Variants in GPR149 observed in about 807,000 individuals in gnomAD.
GPR149 encodes G protein-coupled receptor 149.
Under a neutral mutation model 50.2 loss-of-function variants are expected in GPR149, and 50 were observed. That is an observed-to-expected ratio of 1.00 (90% CI 0.79 to 1.26). The LOEUF is 1.26. Among genes scored for constraint, GPR149 ranks in the 50% most tolerant of loss-of-function variants. The pLI is 0.00. For missense variants in GPR149, 983 were observed against 895.4 expected (o/e 1.10, Z -1.25); for synonymous variants, 405 against 358.2 (o/e 1.13, Z -1.48).
chr3:154,345,201 A>G (rs187414166), intron 3 of GPR149, among the ~76,000 whole-genome samples: 66 of 152,352 alleles, frequency 4.3e-4, no homozygotes, highest in African/African-American at 1.5e-3. Flanking sequence ...TTCAGATTTC[A>G]TATTTTAACT....
chr3:154,387,770 G>C (rs560260106), intron 3 of GPR149, among the ~76,000 whole-genome samples: 1 of 151,872 alleles, frequency 6.6e-6, no homozygotes, highest in Admixed American at 6.6e-5. Flanking sequence ...AGCAAGCTCC[G>C]GGCACTCTCC....
intron 3 of GPR149, among the ~76,000 whole-genome samples, chr3:154,416,574 A>G (rs976710764): frequency 1.3e-5 from 2 of 151,896 alleles, no homozygotes; most frequent in African/African-American, 4.8e-5. Flanking sequence ...TAAAAATACT[A>G]TAGAAACCAA....
intron 3 of GPR149, among the ~76,000 whole-genome samples, chr3:154,362,932 T>C (rs1010296893): frequency 5.3e-5 from 8 of 152,172 alleles, no homozygotes; most frequent in East Asian, 1.9e-4. Context: ...AGGTATTCCA[T>C]TGGAAAATGA....
At chr3:154,392,644 G>GT (rs1715197130) in intron 3 of GPR149, among the ~76,000 whole-genome samples, 1 of 151,344 alleles carries the variant, frequency 6.6e-6, no homozygotes. Flanking sequence ...AAAAGTAAGA[G>GT]TTTATTTTTT....
intron 3 of GPR149, among the ~76,000 whole-genome samples, chr3:154,350,650 T>C (rs1293694513): frequency 6.6e-6 from 1 of 152,008 alleles, no homozygotes; most frequent in Non-Finnish European, 1.5e-5. Context: ...CCTACAAAAA[T>C]CCCAGCAAGA....
At chr3:154,428,584 T>G in intron 1 of GPR149, 51 bp downstream of exon 1, 1 of 1,557,422 alleles carries the variant, frequency 6.4e-7, no homozygotes, top group Non-Finnish European at 8.7e-7. Flanking sequence ...CAACACTCAT[T>G]TACACTGTCT....
intron 3 of GPR149, among the ~76,000 whole-genome samples, chr3:154,357,485 A>G (rs1714267194): frequency 6.6e-6 from 1 of 152,158 alleles, no homozygotes; most frequent in South Asian, 2.1e-4. Flanking sequence ...CAAATTTACA[A>G]GAAAAAAACA....
At chr3:154,416,473 G>A (rs980211874) in intron 3 of GPR149, among the ~76,000 whole-genome samples, 15 of 151,758 alleles carry the variant, frequency 9.9e-5, no homozygotes, top group African/African-American at 3.1e-4. Context: ...TAAAACTTGA[G>A]AAGCTCTGAT....
chr3:154,418,682 A>G (rs1374996732), intron 3 of GPR149, among the ~76,000 whole-genome samples: 2 of 136,154 alleles, frequency 1.5e-5, no homozygotes, highest in African/African-American at 5.5e-5. Flanking sequence ...GGGGGAGGGG[A>G]GAGGGATAGC....
At chr3:154,389,079 C>T (rs996419199) in intron 3 of GPR149, among the ~76,000 whole-genome samples, 13 of 152,050 alleles carry the variant, frequency 8.5e-5, no homozygotes, top group African/African-American at 2.2e-4. Context: ...TTCATTCATT[C>T]GTTCATTCTT....
At position 154,335,339 on chromosome 3, in the gene GPR149, A is replaced by C. The variant is rs1713629371; in HGVS notation, c.*2360T>G. On this transcript the variant is annotated 3_prime_UTR_variant, in exon 4 of 4. Coordinates refer to ENST00000389740, the MANE Select transcript of GPR149 (RefSeq NM_001038705.3). ...ATCACTCTAAAGAGTAAGCAGACTT[A>C]AGTAAACTTATGTAGTTTAACCTTC... The C allele has an allele frequency of 6.6e-6, 1 of 152,190 alleles. No homozygotes were observed. The highest frequency in any genetic ancestry group is 2.4e-5 in the African/African-American group (1 of 41,460). 9.4% of individuals were successfully genotyped at this position (152,190 alleles called of 1,614,324 possible).
Position 154,337,825 on chromosome 3 carries a change from T to C in GPR149, c.2070A>G (p.Pro690=). 1 of 1,614,140 alleles carries C rather than the reference T, an allele frequency of 6.2e-7. No individual in the cohort carries two copies. The highest frequency in any genetic ancestry group is 8.5e-7 in the Non-Finnish European group (1 of 1,179,986). Residue 690 remains proline (P), a synonymous_variant, in exon 4 of 4, where the codon CCA becomes CCG. Transcript: ENST00000389740. The stretch of plus-strand genomic sequence containing the variant: ...TCTGCCTGTGTGCTTCTACTGTGTC[T>C]GGAATGGAGATATTAATATCACCAT... ...NPDGDINISI[P]DTVEAHRQNS...
intron 3 of GPR149, among the ~76,000 whole-genome samples, chr3:154,389,423 C>G (rs2108411489): frequency 6.6e-6 from 1 of 152,138 alleles, no homozygotes; most frequent in East Asian, 1.9e-4. Context: ...CAGCTTTTCT[C>G]TGAGGAGGGA....
intron 3 of GPR149, among the ~76,000 whole-genome samples, chr3:154,405,135 A>C (rs1178110866): frequency 6.6e-6 from 1 of 152,228 alleles, no homozygotes; most frequent in Non-Finnish European, 1.5e-5. Flanking sequence ...TATACTTATA[A>C]ATTTTTGATA....
At chr3:154,402,898 AT>A (rs773973120) in intron 3 of GPR149, among the ~76,000 whole-genome samples, 1 of 152,236 alleles carries the variant, frequency 6.6e-6, no homozygotes, top group African/African-American at 2.4e-5. Context: ...AAAGAAATGC[AT>A]TTGAAAATTT....
At position 154,337,928 on chromosome 3, in the gene GPR149, C is replaced by G. The variant is rs772231938; in HGVS notation, c.1967G>C (p.Arg656Thr). 3 of 1,612,820 alleles carry G rather than the reference C, an allele frequency of 1.9e-6. No homozygotes were observed. The South Asian group carries it at 3.3e-5, about 18-fold the overall frequency. The change falls in exon 4 of 4, where the codon AGG (arginine) becomes ACG (threonine). Residue 656 changes from arginine (R) to threonine (T), a missense_variant. Arg to Thr is a moderately conservative substitution (Grantham distance 71). Transcript: ENST00000389740. ...ACATGAAACAAATCTGTTTTCTTTC[C>G]TGGAGTAACGTAGGGATGGAGATCT... is the stretch of plus-strand genomic sequence containing the variant. ...QVRSPSLRYS[R>T]KENRFVSCDL...
At chr3:154,349,458 C>A (rs186223961) in intron 3 of GPR149, among the ~76,000 whole-genome samples, 13 of 152,278 alleles carry the variant, frequency 8.5e-5, no homozygotes, top group Admixed American at 7.2e-4. Context: ...GGGAGTACTA[C>A]AAACACCTTT....
At chr3:154,412,277 T>C (rs1446476079) in intron 3 of GPR149, among the ~76,000 whole-genome samples, 2 of 152,070 alleles carry the variant, frequency 1.3e-5, no homozygotes, top group African/African-American at 4.8e-5. Context: ...AGCATACCCC[T>C]GAGACGTGGA....
rs1713672730 is a variant in GPR149, at chr3:154,337,132, T to C, written c.*567A>G. ...TGGTAGAAATGAAGGAAACAACTATTTATAGACTAGGAACCTGCGTGTTTC... is the reference window on the plus strand; with the variant it reads ...TGGTAGAAATGAAGGAAACAACTATCTATAGACTAGGAACCTGCGTGTTTC... On this transcript the variant is annotated 3_prime_UTR_variant, in exon 4 of 4. Coordinates refer to ENST00000389740, the MANE Select transcript of GPR149 (RefSeq NM_001038705.3). 1 of 152,132 alleles carries C rather than the reference T, an allele frequency of 6.6e-6. No homozygotes were observed. Among genetic ancestry groups the C allele is most frequent in the South Asian group, 2.1e-4 (1 of 4,818 alleles). 9.4% of individuals were successfully genotyped at this position (152,132 alleles called of 1,614,324 possible).
Sources: allele counts gnomAD v4.1 joint callset (sites outside exome capture counted in the v4.1 genomes callset), GRCh38; gene constraint gnomAD v4.1.1; transcripts MANE v1.5; gene names NCBI Gene and HGNC (gene_info 2026-07-23, HGNC 2026-07-21).